Variants in GSDMC observed in about 807,000 individuals in gnomAD.
GSDMC encodes the protein gasdermin-C.
A neutral mutation model predicts 58.0 loss-of-function variants in GSDMC; 59 were observed. The observed-to-expected ratio is 1.02, with a 90% CI of 0.82 to 1.26. The LOEUF is 1.26. GSDMC is among the 50% of genes most tolerant of loss of function. The pLI is 0.00. For missense variants in GSDMC, 659 were observed against 598.5 expected, an observed-to-expected ratio of 1.10 and a Z score of -1.06; for synonymous variants, 241 against 220.2, an observed-to-expected ratio of 1.09 and a Z score of -0.83.
chr8:129,777,147 C>T (rs944753706), intron 2 of GSDMC, among the ~76,000 whole-genome samples: 6 of 152,178 alleles, frequency 3.9e-5, no homozygotes, highest in African/African-American at 1.4e-4. Flanking sequence ...ATATCCTCAC[C>T]TCATGAGCCT....
intron 3 of GSDMC, among the ~76,000 whole-genome samples, chr8:129,770,933 G>A (rs2034025770): frequency 6.6e-6 from 1 of 151,334 alleles, no homozygotes; most frequent in Non-Finnish European, 1.5e-5. Flanking sequence ...GAAAGAGATG[G>A]AAAAAGAAAT....
chr8:129,741,948 A>C, the GSDMC span, among the ~76,000 whole-genome samples: 3 of 149,102 alleles, frequency 2.0e-5, no homozygotes, highest in South Asian at 2.1e-4. Context: ...ACATGAAATA[A>C]TATTCAGCCT....
intron 2 of GSDMC, among the ~76,000 whole-genome samples, chr8:129,776,859 C>T (rs991948594): frequency 2.6e-5 from 4 of 152,050 alleles, no homozygotes; most frequent in Non-Finnish European, 5.9e-5. Context: ...CTTCTGGGCT[C>T]AAGCAATTAT....
At chr8:129,743,147 G>T in the GSDMC span, among the ~76,000 whole-genome samples, 29,967 of 151,898 alleles carry the variant, frequency 0.2, 3,494 homozygotes, top group Middle Eastern at 0.27. Context: ...TGTGGAGTTT[G>T]GTTTTTATTA....
At chr8:129,752,168 G>T in intron 7 of GSDMC, 21 bp from the exon 8 acceptor site, 2 of 1,604,234 alleles carry the variant, frequency 1.2e-6, no homozygotes, top group Non-Finnish European at 1.7e-6. Flanking sequence ...AAAGAAAAGT[G>T]TTTACTCACC....
At chr8:129,752,008 G>A in intron 8 of GSDMC, 98 bp downstream of exon 8, 1 of 1,457,164 alleles carries the variant, frequency 6.9e-7, no homozygotes, top group East Asian at 2.3e-5. Flanking sequence ...TTTCCCCAGA[G>A]GCCAGACCCC....
At chr8:129,719,212 A>T in the GSDMC span, among the ~76,000 whole-genome samples, 1 of 152,174 alleles carries the variant, frequency 6.6e-6, no homozygotes, top group Non-Finnish European at 1.5e-5. Context: ...AAAAAGAAAG[A>T]TGCATTTGGC....
intron 2 of GSDMC, among the ~76,000 whole-genome samples, chr8:129,777,091 A>C (rs1265437347): frequency 6.6e-6 from 1 of 152,172 alleles, no homozygotes; most frequent in East Asian, 1.9e-4. Flanking sequence ...AACTTTGAAC[A>C]GATAATTTTA....
intron 4 of GSDMC, 29 bp from the exon 5 acceptor site, chr8:129,762,760 T>C: frequency 7.0e-7 from 1 of 1,420,714 alleles, no homozygotes; most frequent in Non-Finnish European, 9.9e-7. Context: ...CAATACAGTA[T>C]TAAATGTATG....
chr8:129,738,910 A>G, the GSDMC span, among the ~76,000 whole-genome samples: 1 of 152,216 alleles, frequency 6.6e-6, no homozygotes. Context: ...TGAAAAACTC[A>G]CTTAAGGCAT....
chr8:129,707,440 G>A, the GSDMC span, among the ~76,000 whole-genome samples: 1 of 151,966 alleles, frequency 6.6e-6, no homozygotes, highest in Non-Finnish European at 1.5e-5. Context: ...TTTTGTATTT[G>A]TTACTCAATA....
chr8:129,708,001 G>A, the GSDMC span, among the ~76,000 whole-genome samples: 1 of 152,248 alleles, frequency 6.6e-6, no homozygotes, highest in East Asian at 1.9e-4. Flanking sequence ...CCAGAGTTCT[G>A]TGCTCCTGGG....
chr8:129,725,238 C>T, the GSDMC span, among the ~76,000 whole-genome samples: 2 of 152,172 alleles, frequency 1.3e-5, no homozygotes, highest in Non-Finnish European at 2.9e-5. Context: ...AATGGCAGCA[C>T]GTCCCTGTCC....
the GSDMC span, among the ~76,000 whole-genome samples, chr8:129,728,038 C>T: frequency 6.6e-6 from 1 of 152,116 alleles, no homozygotes; most frequent in Non-Finnish European, 1.5e-5. Context: ...GCATTCAGAG[C>T]ACACTTGGCC....
chr8:129,722,580 G>A, the GSDMC span, among the ~76,000 whole-genome samples: 1 of 152,054 alleles, frequency 6.6e-6, no homozygotes, highest in Non-Finnish European at 1.5e-5. Flanking sequence ...TTTCTCATAT[G>A]TCATGAGCCC....
the GSDMC span, among the ~76,000 whole-genome samples, chr8:129,729,635 T>C: frequency 2.6e-5 from 4 of 152,338 alleles, no homozygotes; most frequent in South Asian, 8.3e-4. Context: ...ACAAAGGACA[T>C]GAACTCATCC....
intron 3 of GSDMC, among the ~76,000 whole-genome samples, 173 bp downstream of exon 3, chr8:129,775,929 G>A (rs374785384): frequency 3.0e-4 from 46 of 152,290 alleles, no homozygotes; most frequent in African/African-American, 1.0e-3. Flanking sequence ...GTAACTAACA[G>A]CTATTACTTG....
intron 10 of GSDMC, among the ~76,000 whole-genome samples, chr8:129,751,206 A>T (rs2033176690): frequency 6.6e-6 from 1 of 152,126 alleles, no homozygotes; most frequent in African/African-American, 2.4e-5. Flanking sequence ...CTCAATGTTT[A>T]TGAAGAATTA....
chr8:129,711,175 G>A, the GSDMC span, among the ~76,000 whole-genome samples: 2 of 152,212 alleles, frequency 1.3e-5, no homozygotes, highest in Admixed American at 6.5e-5. Context: ...GGTATGCTAA[G>A]CTCTTTACAT....
Sources: gnomAD v4.1 joint callset for allele counts (sites outside exome capture counted in the v4.1 genomes callset) on GRCh38, gnomAD v4.1.1 for gene constraint, MANE v1.5 for transcripts, NCBI Gene and HGNC (gene_info 2026-07-23, HGNC 2026-07-21) for gene names.